The following HPSE2 variants were observed in gnomAD, a reference collection of about 807,000 sequenced individuals.
HPSE2 encodes the protein heparanase 2 (inactive), also known as inactive heparanase-2.
In HPSE2, 38 loss-of-function variants were observed where a neutral mutation model predicts 60.5. That is an observed-to-expected ratio of 0.63 (90% CI 0.48 to 0.82). The LOEUF (loss-of-function observed/expected upper bound fraction) is 0.82. HPSE2 is among the 40% of genes least tolerant of loss of function. The pLI, the probability that HPSE2 is intolerant of heterozygous loss-of-function variation, is 0.00. For missense variants in HPSE2, 713 were observed against 740.4 expected (o/e 0.96, Z 0.43); for synonymous variants, 295 against 293.2 (o/e 1.01, Z -0.06).
At chr10:98,577,259 C>A (rs879934671) in intron 9 of HPSE2, among the ~76,000 whole-genome samples, 1 of 151,792 alleles carries the variant, frequency 6.6e-6, no homozygotes, top group East Asian at 1.9e-4. Flanking sequence ...AGCTCTTGCC[C>A]AGGAAGATAC....
intron 9 of HPSE2, among the ~76,000 whole-genome samples, chr10:98,570,010 T>C (rs923528299): frequency 1.1e-4 from 17 of 152,054 alleles, no homozygotes; most frequent in African/African-American, 3.9e-4. Context: ...TGTTAAGAGG[T>C]CTTCTCTGAG....
chr10:98,728,301 ACT>A (rs1949141987), intron 4 of HPSE2, among the ~76,000 whole-genome samples: 1 of 152,212 alleles, frequency 6.6e-6, no homozygotes, highest in African/African-American at 2.4e-5. Flanking sequence ...ATGAAACTGT[ACT>A]GAAGCAAGTT....
At chr10:98,922,270 G>C (rs568501912) in intron 3 of HPSE2, among the ~76,000 whole-genome samples, 11 of 152,276 alleles carry the variant, frequency 7.2e-5, no homozygotes, top group Middle Eastern at 3.4e-3. Flanking sequence ...TCCATGTGGA[G>C]AGTGGTTACC....
At chr10:98,849,020 A>G (rs1952102867) in intron 3 of HPSE2, among the ~76,000 whole-genome samples, 1 of 152,136 alleles carries the variant, frequency 6.6e-6, no homozygotes, top group African/African-American at 2.4e-5. Context: ...GAAAGACAAA[A>G]AAAAAAAAAT....
At chr10:98,640,297 T>C (rs550833138) in intron 7 of HPSE2, among the ~76,000 whole-genome samples, 3 of 152,282 alleles carry the variant, frequency 2.0e-5, no homozygotes, top group Non-Finnish European at 4.4e-5. Flanking sequence ...CAGGGACTGG[T>C]AGAAATATTT....
At chr10:99,045,460 G>A (rs1023843691) in intron 3 of HPSE2, among the ~76,000 whole-genome samples, 10 of 151,932 alleles carry the variant, frequency 6.6e-5, no homozygotes, top group African/African-American at 2.2e-4. Context: ...CAACCCTAAA[G>A]CTAGCAGTTC....
At chr10:98,892,116 G>A (rs1441297194) in intron 3 of HPSE2, among the ~76,000 whole-genome samples, 1 of 152,102 alleles carries the variant, frequency 6.6e-6, no homozygotes, top group Admixed American at 6.6e-5. Flanking sequence ...TGTATACTTT[G>A]AGTATCTGGT....
intron 3 of HPSE2, among the ~76,000 whole-genome samples, chr10:98,765,800 G>A (rs10883194): frequency 0.038 from 5,761 of 151,940 alleles, 241 homozygotes; most frequent in East Asian, 0.17. Context: ...CCAAGATCAC[G>A]CCACTGCACT....
rs889179260 is a variant in HPSE2, at chr10:98,562,439, G to A, written c.1320+52465C>T. 1.4e-4 allele frequency among the ~76,000 whole-genome samples: 22 copies of A among 152,232 alleles called. No homozygotes were observed. The East Asian group carries it at 1.7e-3, about 12-fold the overall frequency. On this transcript the variant is annotated intron_variant, in intron 9 of 11. Coordinates refer to ENST00000370552, the MANE Select transcript of HPSE2 (RefSeq NM_021828.5). ...CTGACTTAAAATCTGCTGGTTGGCCGGGCACGGTGGCTCATGCCTGTAATC... is the reference window on the plus strand; with the variant it reads ...CTGACTTAAAATCTGCTGGTTGGCCAGGCACGGTGGCTCATGCCTGTAATC...
chr10:98,572,888 G>C (rs1159581615), intron 9 of HPSE2, among the ~76,000 whole-genome samples: 1 of 152,192 alleles, frequency 6.6e-6, no homozygotes, highest in Non-Finnish European at 1.5e-5. Context: ...TTCTACTGAC[G>C]TGTACTAGGA....
At chr10:99,103,567 T>C (rs1844106676) in intron 3 of HPSE2, among the ~76,000 whole-genome samples, 1 of 152,162 alleles carries the variant, frequency 6.6e-6, no homozygotes, top group South Asian at 2.1e-4. Context: ...CCCAAGGTCA[T>C]TTATAGATTC....
intron 3 of HPSE2, among the ~76,000 whole-genome samples, chr10:98,834,304 T>C (rs991381132): frequency 6.6e-6 from 1 of 152,172 alleles, no homozygotes; most frequent in Non-Finnish European, 1.5e-5. Flanking sequence ...AGTGATACTT[T>C]AAAAACTAAT....
At chr10:98,471,796 A>G (rs1024893460) in intron 11 of HPSE2, among the ~76,000 whole-genome samples, 1 of 152,210 alleles carries the variant, frequency 6.6e-6, no homozygotes, top group Non-Finnish European at 1.5e-5. Flanking sequence ...TTTCTTGAAC[A>G]CTGAAAAGAA....
At chr10:99,105,502 G>GA (rs1030018968) in intron 3 of HPSE2, among the ~76,000 whole-genome samples, 1 of 144,400 alleles carries the variant, frequency 6.9e-6, no homozygotes, top group African/African-American at 2.5e-5. Context: ...AGTTGTAAGA[G>GA]TTTTTTTTTT....
intron 6 of HPSE2, among the ~76,000 whole-genome samples, chr10:98,656,230 C>T (rs1054807337): frequency 2.1e-4 from 32 of 152,120 alleles, no homozygotes; most frequent in Admixed American, 1.1e-3. Flanking sequence ...GGACTACAGG[C>T]GCATCCCACC....
At chr10:98,635,675 G>C (rs573799838) in intron 7 of HPSE2, among the ~76,000 whole-genome samples, 2 of 151,940 alleles carry the variant, frequency 1.3e-5, no homozygotes, top group Non-Finnish European at 2.9e-5. Flanking sequence ...TCAGCTACTT[G>C]GGAGGCTGAA....
At chr10:98,681,728 G>T (rs1043425843) in intron 6 of HPSE2, among the ~76,000 whole-genome samples, 2 of 152,092 alleles carry the variant, frequency 1.3e-5, no homozygotes, top group Non-Finnish European at 2.9e-5. Context: ...GAATGCAAAA[G>T]ATATGGGAAT....
At chr10:98,987,173 T>G (rs1956383620) in intron 3 of HPSE2, among the ~76,000 whole-genome samples, 2 of 151,834 alleles carry the variant, frequency 1.3e-5, no homozygotes, top group Admixed American at 6.6e-5. Context: ...TACCAAAGCC[T>G]GGCAGAGAGA....
intron 3 of HPSE2, among the ~76,000 whole-genome samples, chr10:98,846,762 G>C (rs528840520): frequency 5.9e-5 from 9 of 152,094 alleles, no homozygotes; most frequent in Non-Finnish European, 4.4e-5. Context: ...TTTAGATACA[G>C]GGTCTTAATA....
Sources: allele counts gnomAD v4.1 joint callset (sites outside exome capture counted in the v4.1 genomes callset), GRCh38; gene constraint gnomAD v4.1.1; transcripts MANE v1.5; gene names NCBI Gene and HGNC (gene_info 2026-07-23, HGNC 2026-07-21).